KLHL10: variants seen among roughly 807,000 people sequenced by gnomAD.
KLHL10 encodes kelch like family member 10.
A neutral mutation model predicts 46.6 loss-of-function variants in KLHL10; 11 were observed. The ratio of observed to expected loss-of-function variants is 0.24; its 90% confidence interval spans 0.15 to 0.39. The LOEUF (loss-of-function observed/expected upper bound fraction) is 0.39, where lower values mean the gene tolerates loss of function less well. Ranked by LOEUF, KLHL10 falls within the 10% of genes least tolerant of loss-of-function variation. The pLI, the probability that KLHL10 is intolerant of heterozygous loss-of-function variation, is 1.00. For synonymous variants in KLHL10, 254 were observed against 279.1 expected (o/e 0.91, Z 0.90); for missense variants, 475 against 789.8 (o/e 0.60, Z 4.78).
upstream of KLHL10, chr17:41,836,061 G>T: frequency 1.0e-5 from 14 of 1,399,362 alleles, no homozygotes; most frequent in Non-Finnish European, 1.3e-5. Flanking sequence ...CGGGGTGCGC[G>T]AGGGGGCGGC....
chr17:41,847,209 C>A, intron 3 of KLHL10, 52 bp from the exon 4 acceptor site: 1 of 1,559,206 alleles, frequency 6.4e-7, no homozygotes, highest in South Asian at 1.1e-5. Context: ...CATATCCTTT[C>A]TTTCTACTCC....
At chr17:41,839,226 G>A (rs1444164808) in intron 1 of KLHL10, among the ~76,000 whole-genome samples, 1 of 152,116 alleles carries the variant, frequency 6.6e-6, no homozygotes, top group Non-Finnish European at 1.5e-5. Context: ...ACCTGACTTC[G>A]TGATCCACCC....
upstream of KLHL10, chr17:41,835,800 G>T: frequency 6.8e-7 from 1 of 1,478,828 alleles, no homozygotes; most frequent in Non-Finnish European, 9.2e-7. Context: ...AGGCCCAATG[G>T]GCAGGAAGCC....
chr17:41,836,035 G>C, upstream of KLHL10: 1 of 1,439,634 alleles, frequency 6.9e-7, no homozygotes, highest in Non-Finnish European at 9.1e-7. Context: ...GCTCGGGCGC[G>C]CGTGTGAGGC....
At chr17:41,843,512 A>C (rs911637208) in intron 2 of KLHL10, among the ~76,000 whole-genome samples, 96 of 118,876 alleles carry the variant, frequency 8.1e-4, no homozygotes, top group African/African-American at 4.0e-3. Context: ...TCAAATTAAC[A>C]AAAAAAAAAA....
At chr17:41,839,883 TTC>T (rs1555620541) in intron 1 of KLHL10, among the ~76,000 whole-genome samples, 1 of 63,748 alleles carries the variant, frequency 1.6e-5, no homozygotes, top group African/African-American at 5.3e-5. Flanking sequence ...TGGCTAATTT[TTC>T]TTTTTTTTTT....
chr17:41,844,906 A>G (rs1049085531), intron 2 of KLHL10, among the ~76,000 whole-genome samples: 70 of 152,118 alleles, frequency 4.6e-4, no homozygotes, highest in African/African-American at 1.7e-3. Context: ...GCTGGTCTCA[A>G]ACTCCTGGCC....
chr17:41,847,597 C>G (rs1450258291), intron 4 of KLHL10, among the ~76,000 whole-genome samples, 187 bp downstream of exon 4: 1 of 151,984 alleles, frequency 6.6e-6, no homozygotes, highest in African/African-American at 2.4e-5. Context: ...GCTCTGCCTC[C>G]CGGGTTCATG....
At chr17:41,836,353 T>A, upstream of KLHL10, 1 of 1,223,048 alleles carries the variant, frequency 8.2e-7, no homozygotes, top group Non-Finnish European at 1.0e-6. Context: ...ATGGCCGCGA[T>A]CCGGGTGGGC....
chr17:41,842,402 A>G, intron 2 of KLHL10, 90 bp downstream of exon 2: 5 of 1,489,084 alleles, frequency 3.4e-6, no homozygotes, highest in Non-Finnish European at 4.7e-6. Context: ...CTGTATTTAC[A>G]TGTCCTTAGA....
chr17:41,841,802 T>C (rs782455157), intron 1 of KLHL10, 21 bp from the exon 2 acceptor site: 10 of 1,614,056 alleles, frequency 6.2e-6, no homozygotes, highest in South Asian at 1.1e-5. Flanking sequence ...CCGTGGCTGC[T>C]AGTTTCTTTC....
upstream of KLHL10, chr17:41,837,770 G>A: frequency 6.9e-7 from 1 of 1,450,366 alleles, no homozygotes; most frequent in Non-Finnish European, 9.1e-7. Context: ...GCACAATCCT[G>A]TGTGATCTCA....
At position 41,845,313 on chromosome 17, in the gene KLHL10, C is replaced by T; in HGVS notation, c.872C>T (p.Ala291Val). ...CTCACCAGACCACGCTTGCCCTATG[C>T]CATCCTCTTTGCAATTGGTGGCTGG... is the stretch of plus-strand genomic sequence containing the variant. The part of the protein sequence containing the change: ...NPLTRPRLPY[A>V]ILFAIGGWSG... The change falls in exon 3 of 5, where the codon GCC (alanine) becomes GTC (valine). Residue 291 changes from alanine (A) to valine (V), a missense_variant. Physicochemically the swap from Ala to Val is moderately conservative, Grantham distance 64. Coordinates refer to ENST00000293303, the MANE Select transcript of KLHL10 (RefSeq NM_152467.5). 6.2e-7 allele frequency: 1 copy of T among 1,614,226 alleles called. No individual in the cohort carries two copies. Among genetic ancestry groups the T allele is most frequent in the Non-Finnish European group, 8.5e-7 (1 of 1,180,040 alleles).
At chr17:41,840,433 G>A (rs948067694) in intron 1 of KLHL10, among the ~76,000 whole-genome samples, 1 of 152,108 alleles carries the variant, frequency 6.6e-6, no homozygotes, top group Non-Finnish European at 1.5e-5. Context: ...TTCAAGACCA[G>A]CCTGGCCAAG....
upstream of KLHL10, chr17:41,837,449 G>A: frequency 1.7e-6 from 1 of 603,632 alleles, no homozygotes; most frequent in Non-Finnish European, 2.1e-6. Flanking sequence ...ACTGCGCCCG[G>A]CCTAAGAAAG....
intron 1 of KLHL10, among the ~76,000 whole-genome samples, chr17:41,840,106 C>T (rs1302254602): frequency 1.3e-5 from 2 of 152,164 alleles, no homozygotes; most frequent in African/African-American, 4.8e-5. Flanking sequence ...GCTGGGATTA[C>T]AGGCGTGAGC....
At chr17:41,837,822 C>T, upstream of KLHL10, 1 of 1,573,656 alleles carries the variant, frequency 6.4e-7, no homozygotes, top group Non-Finnish European at 8.6e-7. Flanking sequence ...CCTGATAGAC[C>T]CTATACAAAA....
chr17:41,837,833 G>T lies in KLHL10; in HGVS notation c.-100G>T. On this transcript the variant is annotated 5_prime_UTR_variant, in exon 1 of 5. Transcript: ENST00000293303. ...GTTGCCTGATAGACCCTATACAAAA[G>T]ATGTAGTAGGGAAAAGGAGCGACAG... The T allele has an allele frequency of 6.3e-7, 1 of 1,587,312 alleles. No homozygotes were observed. The highest frequency in any genetic ancestry group is 1.1e-5 in the South Asian group (1 of 88,752).
At chr17:41,837,463 T>G, upstream of KLHL10, 1 of 745,350 alleles carries the variant, frequency 1.3e-6, no homozygotes, top group South Asian at 5.8e-5. Context: ...AAGAAAGAAA[T>G]TTAATCAGTT....
Sources: allele counts gnomAD v4.1 joint callset (sites outside exome capture counted in the v4.1 genomes callset), GRCh38; gene constraint gnomAD v4.1.1; transcripts MANE v1.5; gene names NCBI Gene and HGNC (gene_info 2026-07-23, HGNC 2026-07-21).